Variants in GNB1L observed in about 807,000 individuals in gnomAD.
GNB1L encodes the protein G protein subunit beta 1 like.
GNB1L carries 20 observed loss-of-function variants against 29.1 expected under a neutral mutation model. That is an observed-to-expected ratio of 0.69 (90% CI 0.48 to 1.00). GNB1L has a LOEUF of 1.00. GNB1L is among the 50% of genes least tolerant of loss of function. GNB1L has a pLI of 0.00. For missense variants in GNB1L, 421 were observed against 464.9 expected (o/e 0.91, Z 0.87); for synonymous variants, 193 against 206.5 (o/e 0.93, Z 0.56).
intron 7 of GNB1L, among the ~76,000 whole-genome samples, chr22:19,795,991 C>A (rs1014395885): frequency 1.3e-5 from 2 of 151,274 alleles, no homozygotes; most frequent in Non-Finnish European, 2.9e-5. Context: ...ATGCAATCAT[C>A]GATGTGAGAA....
chr22:19,852,064 G>A (rs1412786689), intron 2 of GNB1L: 2 of 1,614,122 alleles, frequency 1.2e-6, no homozygotes, highest in African/African-American at 2.7e-5. Context: ...CACTAGCTGT[G>A]CTCTTCTGCT....
rs1180371313 is a variant in GNB1L, at chr22:19,812,276, G to A, written c.417+9C>T. The stretch of plus-strand genomic sequence containing the variant: ...GAGAACATGGGGCCTCAGGCAGGCT[G>A]GCTCTCACCTCGTCGCTGCCCCTCC... On this transcript the variant is annotated intron_variant, in intron 5 of 7. Transcript: ENST00000329517. 2.5e-6 allele frequency: 4 copies of A among 1,611,238 alleles called. No individual in the cohort carries two copies. The highest frequency in any genetic ancestry group is 2.2e-5 in the East Asian group (1 of 44,840).
At chr22:19,810,643 C>T (rs888507452) in intron 5 of GNB1L, among the ~76,000 whole-genome samples, 3 of 152,154 alleles carry the variant, frequency 2.0e-5, no homozygotes, top group African/African-American at 7.2e-5. Flanking sequence ...CTGACTGCAA[C>T]TTTTGTTTCC....
intron 2 of GNB1L, among the ~76,000 whole-genome samples, chr22:19,827,983 C>A (rs886354902): frequency 6.6e-6 from 1 of 152,208 alleles, no homozygotes; most frequent in African/African-American, 2.4e-5. Context: ...GAATACTCCA[C>A]AGAACTGAAA....
At chr22:19,853,202 C>T (rs1033790652) in intron 2 of GNB1L, among the ~76,000 whole-genome samples, 4 of 152,122 alleles carry the variant, frequency 2.6e-5, no homozygotes, top group African/African-American at 9.7e-5. Context: ...CAGTCCCCAT[C>T]CCAGCCACAG....
intron 7 of GNB1L, among the ~76,000 whole-genome samples, chr22:19,800,849 C>T (rs1231623912): frequency 6.6e-6 from 1 of 152,218 alleles, no homozygotes; most frequent in Non-Finnish European, 1.5e-5. Flanking sequence ...TGTCCTTCCG[C>T]AGCTCCACCA....
rs1053048156 is a variant in GNB1L, at chr22:19,846,386, T to C, written c.-21+8057A>G. Reference sequence around the variant, plus strand: ...TTCTTAAGTGAGAAACAGCATCCCATACAGCACAACTGGGCACTGCCTACT... The same window carrying C: ...TTCTTAAGTGAGAAACAGCATCCCACACAGCACAACTGGGCACTGCCTACT... On this transcript the variant is annotated intron_variant, in intron 2 of 7. Coordinates refer to ENST00000329517, the MANE Select transcript of GNB1L (RefSeq NM_053004.3). 4.1e-6 allele frequency: 4 copies of C among 980,630 alleles called. No homozygotes were observed. In the African/African-American group the frequency reaches 7.0e-5, roughly 17 times the overall value. The allele number at this position is 980,630 out of a possible 1,614,324, so 60.7% of individuals were successfully genotyped here.
chr22:19,821,390 A>AGGGC lies in GNB1L; in HGVS notation c.-20-19_-20-16dup. 1 of 1,606,850 alleles carries AGGGC rather than the reference A, an allele frequency of 6.2e-7. No homozygotes were observed. Among genetic ancestry groups the AGGGC allele is most frequent in the South Asian group, 1.1e-5 (1 of 90,848 alleles). ...GATGCAGTTACCTGGGCACCAAGGG[A>AGGGC]GGGCGTGTGAGTGACTGCGTCCCTA... On this transcript the variant is annotated splice_polypyrimidine_tract_variant and intron_variant, in intron 2 of 7. Coordinates refer to ENST00000329517, the MANE Select transcript of GNB1L (RefSeq NM_053004.3).
chr22:19,802,766 A>G (rs1476760899), intron 6 of GNB1L, among the ~76,000 whole-genome samples: 1 of 152,250 alleles, frequency 6.6e-6, no homozygotes, highest in African/African-American at 2.4e-5. Flanking sequence ...TGCTTTGTCA[A>G]AGTGGCTGCC....
chr22:19,802,004 C>T lies in GNB1L; in HGVS notation c.729G>A (p.Leu243=). ...ACCCGGGGCCTGGCGCACTGACCTG[C>T]AGGGCCTGCTGCCAGTCCAGGCTCC... The part of the protein sequence containing the change: ...AVWSLDWQQA[L]QVRGTHELTN... Residue 243 remains leucine (L), a synonymous_variant, in exon 7 of 8, where the codon CTG becomes CTA. Coordinates refer to ENST00000329517, the MANE Select transcript of GNB1L (RefSeq NM_053004.3). The T allele has an allele frequency of 1.3e-6, 2 of 1,583,170 alleles. No individual in the cohort carries two copies. Among genetic ancestry groups the T allele is most frequent in the South Asian group, 1.1e-5 (1 of 87,540 alleles).
chr22:19,832,629 T>C (rs1937699212), intron 2 of GNB1L, among the ~76,000 whole-genome samples: 1 of 152,100 alleles, frequency 6.6e-6, no homozygotes, highest in Non-Finnish European at 1.5e-5. Flanking sequence ...ACTGTCCCCC[T>C]CTCTCACGGT....
intron 2 of GNB1L, chr22:19,849,144 G>A (rs1938033981): frequency 2.0e-6 from 2 of 985,192 alleles, no homozygotes; most frequent in Non-Finnish European, 2.4e-6. Context: ...GACTGAAAAT[G>A]GGTTTCTTCT....
intron 6 of GNB1L, 101 bp downstream of exon 6, chr22:19,806,558 G>A (rs1569042271): frequency 1.4e-6 from 1 of 720,294 alleles, no homozygotes; most frequent in Admixed American, 2.5e-5. Flanking sequence ...GGGGTGGGGT[G>A]TTGCCTGAGT....
chr22:19,811,071 G>A (rs886829592), intron 5 of GNB1L, among the ~76,000 whole-genome samples: 1 of 152,230 alleles, frequency 6.6e-6, no homozygotes, highest in Non-Finnish European at 1.5e-5. Context: ...GGTCCCGGGG[G>A]AGGAAGCACG....
chr22:19,824,194 AAACT>A (rs1160617898), intron 2 of GNB1L, among the ~76,000 whole-genome samples: 2 of 152,282 alleles, frequency 1.3e-5, no homozygotes, highest in South Asian at 2.1e-4. Context: ...CTTTATTTGA[AAACT>A]AATTAATTCT....
At chr22:19,831,624 G>C (rs1054195039) in intron 2 of GNB1L, among the ~76,000 whole-genome samples, 2 of 151,336 alleles carry the variant, frequency 1.3e-5, no homozygotes, top group African/African-American at 4.9e-5. Context: ...CCGGGAGGCG[G>C]AGCTTGTAGT....
chr22:19,841,228 T>C (rs188317267), intron 2 of GNB1L, among the ~76,000 whole-genome samples: 87 of 152,338 alleles, frequency 5.7e-4, no homozygotes, highest in Non-Finnish European at 1.1e-3. Context: ...TGCACAAGGT[T>C]CACACTCAAC....
intron 6 of GNB1L, 86 bp downstream of exon 6, chr22:19,806,573 C>T (rs769996603): frequency 2.4e-4 from 200 of 835,402 alleles, no homozygotes; most frequent in Non-Finnish European, 3.5e-4. Context: ...CTGAGTGGCT[C>T]GACGATAAAT....
At chr22:19,815,722 C>T (rs1937521409) in intron 4 of GNB1L, among the ~76,000 whole-genome samples, 1 of 152,152 alleles carries the variant, frequency 6.6e-6, no homozygotes, top group African/African-American at 2.4e-5. Flanking sequence ...GCTGGGACTA[C>T]CAGCATGTGC....
Sources: allele counts gnomAD v4.1 joint callset (sites outside exome capture counted in the v4.1 genomes callset), GRCh38; gene constraint gnomAD v4.1.1; transcripts MANE v1.5; gene names NCBI Gene and HGNC (gene_info 2026-07-23, HGNC 2026-07-21).